Variants in GABRB3 observed in about 807,000 individuals in gnomAD.
The protein encoded by GABRB3 is gamma-aminobutyric acid type A receptor subunit beta3.
In GABRB3, 14 loss-of-function variants were observed where a neutral mutation model predicts 52.1. That is an observed-to-expected ratio of 0.27 (90% CI 0.18 to 0.42). The LOEUF is 0.42. GABRB3 is among the 10% of genes least tolerant of loss of function. GABRB3 has a pLI of 1.00. For missense variants in GABRB3, 307 were observed against 609.1 expected, an observed-to-expected ratio of 0.50 and a Z score of 5.22; for synonymous variants, 260 against 232.3, an observed-to-expected ratio of 1.12 and a Z score of -1.08.
chr15:26,612,454 C>G (rs939443687), intron 4 of GABRB3: 6 of 152,024 alleles, frequency 3.9e-5, no homozygotes, highest in Non-Finnish European at 7.4e-5. Context: ...TCCCACATAC[C>G]GGGGAAAGCC....
intron 4 of GABRB3, among the ~76,000 whole-genome samples, chr15:26,603,500 T>C (rs1891660745): frequency 6.6e-6 from 1 of 152,076 alleles, no homozygotes; most frequent in African/African-American, 2.4e-5. Flanking sequence ...ATATTTCTAA[T>C]GAATATTGAT....
chr15:26,742,193 C>T (rs1173053203), intron 3 of GABRB3, among the ~76,000 whole-genome samples: 1 of 152,114 alleles, frequency 6.6e-6, no homozygotes, highest in Non-Finnish European at 1.5e-5. Context: ...CCAATTACCA[C>T]TATCCATGTA....
chr15:26,739,152 G>A (rs895292982), intron 3 of GABRB3, among the ~76,000 whole-genome samples: 1 of 152,054 alleles, frequency 6.6e-6, no homozygotes, highest in African/African-American at 2.4e-5. Context: ...ACACTGGGAG[G>A]CGGATAGGGC....
At chr15:26,748,549 T>A (rs1890412323) in intron 3 of GABRB3, among the ~76,000 whole-genome samples, 1 of 152,206 alleles carries the variant, frequency 6.6e-6, no homozygotes, top group Non-Finnish European at 1.5e-5. Flanking sequence ...GTATGTGGGA[T>A]GTGTGATAGC....
intron 4 of GABRB3, among the ~76,000 whole-genome samples, chr15:26,593,227 CTG>C (rs1334423355): frequency 6.6e-6 from 1 of 152,022 alleles, no homozygotes; most frequent in Non-Finnish European, 1.5e-5. Context: ...GGATATGTAA[CTG>C]AGATTTATTA....
chr15:26,668,720 G>A (rs531783177), intron 3 of GABRB3, among the ~76,000 whole-genome samples: 1 of 152,198 alleles, frequency 6.6e-6, no homozygotes, highest in South Asian at 2.1e-4. Context: ...CTAATCAAGG[G>A]GAGTAAATTG....
chr15:26,689,705 G>C (rs1477239719), intron 3 of GABRB3, among the ~76,000 whole-genome samples: 1 of 152,024 alleles, frequency 6.6e-6, no homozygotes, highest in Non-Finnish European at 1.5e-5. Flanking sequence ...GTGCTGGGTG[G>C]TCCCCAAGCA....
At chr15:26,766,787 C>A (rs1002923284) in intron 3 of GABRB3, among the ~76,000 whole-genome samples, 2 of 151,466 alleles carry the variant, frequency 1.3e-5, no homozygotes, top group African/African-American at 4.9e-5. Flanking sequence ...AGATTTGCCC[C>A]ATCATGTCAA....
chr15:26,571,354 T>G (rs1022278418), intron 6 of GABRB3, among the ~76,000 whole-genome samples: 1 of 152,232 alleles, frequency 6.6e-6, no homozygotes, highest in Non-Finnish European at 1.5e-5. Flanking sequence ...GCAACACTGT[T>G]GGCCTCTGGT....
chr15:26,665,788 C>G (rs555271435), intron 3 of GABRB3, among the ~76,000 whole-genome samples: 1 of 152,090 alleles, frequency 6.6e-6, no homozygotes, highest in Non-Finnish European at 1.5e-5. Context: ...TGTTGTTTTT[C>G]TTTTCTTTTA....
intron 3 of GABRB3, among the ~76,000 whole-genome samples, chr15:26,766,858 C>T (rs1891011438): frequency 6.6e-6 from 1 of 152,146 alleles, no homozygotes; most frequent in South Asian, 2.1e-4. Flanking sequence ...AGAGGCCATC[C>T]ACAACAGGAC....
intron 3 of GABRB3, among the ~76,000 whole-genome samples, chr15:26,703,402 C>T (rs955669573): frequency 6.6e-6 from 1 of 152,128 alleles, no homozygotes; most frequent in African/African-American, 2.4e-5. Context: ...TTAAATGTTC[C>T]ACCTCTTAAT....
At chr15:26,645,360 C>T (rs1893320278) in intron 3 of GABRB3, among the ~76,000 whole-genome samples, 1 of 152,162 alleles carries the variant, frequency 6.6e-6, no homozygotes, top group Non-Finnish European at 1.5e-5. Flanking sequence ...GACTTGTTAA[C>T]AGAAATGGAA....
intron 3 of GABRB3, among the ~76,000 whole-genome samples, chr15:26,733,105 T>A (rs564461643): frequency 6.6e-6 from 1 of 152,204 alleles, no homozygotes; most frequent in Non-Finnish European, 1.5e-5. Flanking sequence ...CAAGAAGGCC[T>A]GCTGTTTCCT....
chr15:26,654,522 A>T (rs1887304198), intron 3 of GABRB3, among the ~76,000 whole-genome samples: 1 of 152,010 alleles, frequency 6.6e-6, no homozygotes, highest in Non-Finnish European at 1.5e-5. Context: ...TGGGAGGCCG[A>T]GGCAGGAGGA....
chr15:26,760,519 T>C (rs192837249), intron 3 of GABRB3, among the ~76,000 whole-genome samples: 255 of 152,340 alleles, frequency 1.7e-3, no homozygotes, highest in South Asian at 4.8e-3. Context: ...ATTGCCTAGA[T>C]AATTAACATT....
chr15:26,674,385 A>C (rs368677378), intron 3 of GABRB3, among the ~76,000 whole-genome samples: 10 of 126,350 alleles, frequency 7.9e-5, no homozygotes, highest in African/African-American at 1.8e-4. Context: ...TGGGTGACAG[A>C]GCGAGACTCA....
At chr15:26,587,300 T>C (rs1219719174) in intron 4 of GABRB3, among the ~76,000 whole-genome samples, 4 of 152,164 alleles carry the variant, frequency 2.6e-5, no homozygotes, top group Non-Finnish European at 5.9e-5. Context: ...TTTTCTTTAT[T>C]TGGAAGAAAT....
chr15:26,733,402 T>C (rs912173360), intron 3 of GABRB3, among the ~76,000 whole-genome samples: 3 of 152,154 alleles, frequency 2.0e-5, no homozygotes, highest in African/African-American at 7.2e-5. Flanking sequence ...CAGAAATAAT[T>C]TTATTCATGA....
Sources: allele counts gnomAD v4.1 joint callset (sites outside exome capture counted in the v4.1 genomes callset), GRCh38; gene constraint gnomAD v4.1.1; transcripts MANE v1.5; gene names NCBI Gene and HGNC (gene_info 2026-07-23, HGNC 2026-07-21).